Variants in OGFOD2 observed in about 807,000 individuals in gnomAD.
The protein encoded by OGFOD2 is 2-oxoglutarate and iron dependent oxygenase domain containing 2.
OGFOD2 carries 34 observed loss-of-function variants against 31.1 expected under a neutral mutation model. That is an observed-to-expected ratio of 1.09 (90% confidence interval 0.83 to 1.45). OGFOD2 has a LOEUF of 1.45. Ranked by LOEUF, OGFOD2 falls within the 40% of genes most tolerant of loss-of-function variation. The pLI, the probability that OGFOD2 is intolerant of heterozygous loss-of-function variation, is 0.00. For missense variants in OGFOD2, 537 were observed against 433.9 expected (o/e 1.24, Z -2.11); for synonymous variants, 240 against 192.3 (o/e 1.25, Z -2.05).
exon 5 of OGFOD2, chr12:122,978,463 T>C: frequency 6.2e-7 from 1 of 1,613,350 alleles, no homozygotes; most frequent in Admixed American, 1.7e-5. Context: ...ATCTACCGGG[T>C]GCCTGTTTTC....
intron 4 of OGFOD2, chr12:122,977,255 T>A: frequency 2.3e-6 from 1 of 442,104 alleles, no homozygotes; most frequent in Admixed American, 3.1e-5. Context: ...GCTGGCACAC[T>A]CAAACAGGGC....
Position 122,977,972 on chromosome 12 carries a change from C to A in OGFOD2, c.404-470C>A, listed in dbSNP as rs143410354. On this transcript the variant is annotated intron_variant, in intron 4 of 6. Coordinates refer to ENST00000228922, the Ensembl canonical transcript of OGFOD2. ...GTTTCCATTCTCAGCCTGGTTTCTT[C>A]CCCCTCAGGGCCCAGCAAGAAAGAA... 275 of 158,836 alleles carry A rather than the reference C, an allele frequency of 1.7e-3. 2 individuals carry two copies. The highest frequency in any genetic ancestry group is 6.5e-3 in the African/African-American group (271 of 41,662). The allele number at this position is 158,836 out of a possible 1,614,324, so 9.8% of individuals were successfully genotyped here. A position where few individuals can be genotyped will look rare whatever the true frequency, so the allele number is the denominator to read the frequency against.
chr12:122,977,581 C>G (rs1377658067), intron 4 of OGFOD2: 1 of 184,196 alleles, frequency 5.4e-6, no homozygotes, highest in Non-Finnish European at 1.2e-5. Context: ...CAGTAACCCC[C>G]TCTCTTAAGG....
intron 2 of OGFOD2, chr12:122,976,245 C>A (rs1212549800): frequency 3.9e-6 from 3 of 760,232 alleles, no homozygotes; most frequent in Admixed American, 2.1e-5. Flanking sequence ...TTACCATATA[C>A]CCCGCAGGCT....
chr12:122,979,478 A>C, exon 7 of OGFOD2: 2 of 1,120,960 alleles, frequency 1.8e-6, no homozygotes, highest in Non-Finnish European at 2.5e-6. Context: ...GGGTCATTCT[A>C]TGGGCAAAGA....
chr12:122,978,450 C>T (rs535596587), exon 5 of OGFOD2: 13 of 1,613,430 alleles, frequency 8.1e-6, no homozygotes, highest in African/African-American at 4.0e-5. Flanking sequence ...AGAGGAGAAG[C>T]GCATCTACCG....
upstream of OGFOD2, chr12:122,974,973 C>T (rs996102578): frequency 1.3e-4 from 41 of 309,066 alleles, no homozygotes; most frequent in African/African-American, 6.2e-4. Flanking sequence ...CTCTCCCCGT[C>T]CTGTGAAGGC....
Position 122,978,656 on chromosome 12 carries a change from G to A in OGFOD2, c.531+87G>A, listed in dbSNP as rs551822209. The A allele has an allele frequency of 8.7e-5, 138 of 1,587,896 alleles. 1 individual carries two copies. In the Admixed American group the frequency reaches 1.0e-3, roughly 12 times the overall value. On this transcript the variant is annotated intron_variant, in intron 5 of 6. Coordinates refer to ENST00000228922, the Ensembl canonical transcript of OGFOD2. ...GGTTCTGCAGATGGGCTGCCTGCCCGGGCTGCGAAAGAAGGTCACAGTGGG... is the reference window on the plus strand; with the variant it reads ...GGTTCTGCAGATGGGCTGCCTGCCCAGGCTGCGAAAGAAGGTCACAGTGGG...
In OGFOD2 at chr12:122,975,394, G is replaced by A. The variant is rs1364593470; in HGVS notation, c.132+11G>A. 8.6e-6 allele frequency: 6 copies of A among 695,890 alleles called. No homozygotes were observed. The East Asian group carries it at 1.6e-4, about 19-fold the overall frequency. 43.1% of individuals were successfully genotyped at this position (695,890 alleles called of 1,614,324 possible). A position where few individuals can be genotyped will look rare whatever the true frequency, so the allele number is the denominator to read the frequency against. ...CGGGACTACGGCCCGGTGAGTGGCC[G>A]CTGTCGTCCCTACGGAGCAGTGGGC... On this transcript the variant is annotated intron_variant, in intron 1 of 6. Transcript: ENST00000228922.
At chr12:122,975,176 G>T, upstream of OGFOD2, 1 of 494,534 alleles carries the variant, frequency 2.0e-6, no homozygotes, top group Non-Finnish European at 3.7e-6. Flanking sequence ...CTTGGCCGCT[G>T]GTTCCGCGCC....
chr12:122,975,453 C>A (rs2037387857), intron 1 of OGFOD2, 70 bp downstream of exon 1: 2 of 617,934 alleles, frequency 3.2e-6, no homozygotes, highest in African/African-American at 3.7e-5. Flanking sequence ...AGTTCGTCCC[C>A]AGGGTCGTTT....
Position 122,975,242 on chromosome 12 carries a change from G to T in OGFOD2, c.-10G>T, listed in dbSNP as rs1373731426. The T allele has an allele frequency of 3.0e-6, 2 of 670,234 alleles. No homozygotes were observed. Among genetic ancestry groups the T allele is most frequent in the Non-Finnish European group, 2.7e-6 (1 of 365,212 alleles). 41.5% of individuals were successfully genotyped at this position (670,234 alleles called of 1,614,324 possible). A position where few individuals can be genotyped will look rare whatever the true frequency, so the allele number is the denominator to read the frequency against. On this transcript the variant is annotated 5_prime_UTR_variant, in exon 1 of 7. Transcript: ENST00000228922. ...TCTACGGAAGCTGGTAGGGCTGTGG[G>T]TGCTTCACTATGGCGACGGTGGGGG...
At position 122,975,245 on chromosome 12, in the gene OGFOD2, C is replaced by T. The variant is rs1313731556; in HGVS notation, c.-7C>T. On this transcript the variant is annotated 5_prime_UTR_variant, in exon 1 of 7. Coordinates refer to ENST00000228922, the Ensembl canonical transcript of OGFOD2. ...ACGGAAGCTGGTAGGGCTGTGGGTGCTTCACTATGGCGACGGTGGGGGCTC... is the reference window on the plus strand; with the variant it reads ...ACGGAAGCTGGTAGGGCTGTGGGTGTTTCACTATGGCGACGGTGGGGGCTC... The T allele has an allele frequency of 6.0e-6, 4 of 671,160 alleles. No homozygotes were observed. In the South Asian group the frequency reaches 6.1e-5, roughly 10 times the overall value. The allele number at this position is 671,160 out of a possible 1,614,324, so 41.6% of individuals were successfully genotyped here.
At chr12:122,979,875 G>T (rs2037563833) in exon 7 of OGFOD2, 1 of 248,744 alleles carries the variant, frequency 4.0e-6, no homozygotes, top group Non-Finnish European at 7.6e-6. Flanking sequence ...TGAATGGCAG[G>T]GCCAGGAACC....
upstream of OGFOD2, chr12:122,975,147 TG>T (rs758266334): frequency 2.3e-4 from 114 of 501,526 alleles, 1 homozygote; most frequent in Non-Finnish European, 3.3e-5. Flanking sequence ...TTTCCGCCCT[TG>T]GGAACTTAGA....
chr12:122,978,667 G>C, intron 5 of OGFOD2, 86 bp from the exon 6 acceptor site: 4 of 1,586,558 alleles, frequency 2.5e-6, no homozygotes, highest in Non-Finnish European at 3.4e-6. Flanking sequence ...GGCTGCGAAA[G>C]AAGGTCACAG....
At chr12:122,976,414 G>C in intron 2 of OGFOD2, 1 of 1,613,684 alleles carries the variant, frequency 6.2e-7, no homozygotes, top group Non-Finnish European at 8.5e-7. Flanking sequence ...ACATCTAGGG[G>C]TTCTCATCCC....
chr12:122,978,475 C>T (rs371221988), exon 5 of OGFOD2: 2 of 1,613,506 alleles, frequency 1.2e-6, no homozygotes, highest in African/African-American at 1.3e-5. Context: ...CCTGTTTTCA[C>T]AGCGCCCTTC....
chr12:122,975,063 G>C, upstream of OGFOD2: 1 of 469,030 alleles, frequency 2.1e-6, no homozygotes, highest in Non-Finnish European at 3.8e-6. Context: ...GGAACGAGGA[G>C]GCCGCCGGTC....
Sources: allele counts gnomAD v4.1 joint callset, GRCh38; gene constraint gnomAD v4.1.1; transcripts MANE v1.5; gene names NCBI Gene and HGNC (gene_info 2026-07-23, HGNC 2026-07-21).